KANSL1: variants seen among roughly 807,000 people sequenced by gnomAD.
KANSL1 encodes KAT8 regulatory NSL complex subunit 1, also known as MLL1/MLL complex subunit KANSL1.
In KANSL1, 22 loss-of-function variants were observed where a neutral mutation model predicts 103.6. The observed-to-expected ratio is 0.21, with a 90% CI of 0.15 to 0.30. The LOEUF (loss-of-function observed/expected upper bound fraction) is 0.30, where lower values mean the gene tolerates loss of function less well. KANSL1 is among the 10% of genes least tolerant of loss of function. KANSL1 has a pLI of 1.00. For missense variants in KANSL1, 1,337 were observed against 1,399.8 expected (o/e 0.96, Z 0.72); for synonymous variants, 600 against 527.6 (o/e 1.14, Z -1.88).
intron 14 of KANSL1, 65 bp downstream of exon 14, chr17:46,031,982 A>G (rs2077021983): frequency 2.5e-5 from 40 of 1,608,756 alleles, no homozygotes; most frequent in Non-Finnish European, 3.2e-5. Context: ...TCTTCAGCAG[A>G]TGCTGCCCCT....
At chr17:46,069,565 T>A (rs372513854) in intron 4 of KANSL1, among the ~76,000 whole-genome samples, 3 of 151,790 alleles carry the variant, frequency 2.0e-5, no homozygotes, top group East Asian at 3.9e-4. Flanking sequence ...GCCAACATGG[T>A]AAAATCCCAT....
chr17:46,208,852 CA>C (rs35006267), intron 1 of KANSL1, among the ~76,000 whole-genome samples: 25,041 of 101,932 alleles, frequency 0.25, 2,440 homozygotes, highest in Middle Eastern at 0.34. Context: ...GACTCCGTCT[CA>C]AAAAAAAAAA....
In KANSL1 at chr17:46,050,630, G is replaced by T; in HGVS notation, c.1923C>A (p.Ile641=). ...AGTGAATTTCGGGAGGCATGGTGTT[G>T]ATGCTGCCTGAACCACACAGTGCGC... ...PSCALCGSGS[I]NTMPPEIHYE... Residue 641 remains isoleucine (I), a synonymous_variant, in exon 7 of 15, where the codon ATC becomes ATA. Transcript: ENST00000432791. The T allele has an allele frequency of 6.2e-7, 1 of 1,614,194 alleles. No individual in the cohort carries two copies. The highest frequency in any genetic ancestry group is 8.5e-7 in the Non-Finnish European group (1 of 1,180,026).
rs2043485675 is a variant in KANSL1 at position 46,125,085 on chromosome 17, AGAGGGAGGGAGGGAGAGAGGGAGG to A, written c.1290-30408_1290-30385del. 1.2e-4 allele frequency among the ~76,000 whole-genome samples: 4 copies of A among 33,936 alleles called. 1 individual carries two copies. Among genetic ancestry groups the A allele is most frequent in the African/African-American group, 5.2e-4 (3 of 5,798 alleles). 22.3% of individuals were successfully genotyped at this position (33,936 alleles called of 152,430 possible). A position where few individuals can be genotyped will look rare whatever the true frequency, so the allele number is the denominator to read the frequency against. ...AGGGAGGGAGGAGGGAGGGAGGGAG[AGAGGGAGGGAGGGAGAGAGGGAGG>A]GAGGGAGGGAGGGAAAGAAATTGCC... On this transcript the variant is annotated intron_variant, in intron 2 of 14. Coordinates refer to ENST00000432791, the MANE Select transcript of KANSL1 (RefSeq NM_015443.4).
rs200384907 is a variant in KANSL1 at position 46,031,120 on chromosome 17, C to CTCT, written c.*355_*356insAGA. 2 of 295,412 alleles carry CTCT rather than the reference C, an allele frequency of 6.8e-6. No homozygotes were observed. The highest frequency in any genetic ancestry group is 1.3e-5 in the Non-Finnish European group (2 of 154,630). 18.3% of individuals were successfully genotyped at this position (295,412 alleles called of 1,614,324 possible). On this transcript the variant is annotated 3_prime_UTR_variant, in exon 15 of 15. Coordinates refer to ENST00000432791, the MANE Select transcript of KANSL1 (RefSeq NM_015443.4). ...AAGAAGGCCATGCTAAACTGTAGCC[C>CTCT]GCCAGGCTGTTCTGCCCTGCCCACA...
intron 3 of KANSL1, among the ~76,000 whole-genome samples, chr17:46,082,783 A>T (rs144668798): frequency 9.7e-4 from 148 of 152,256 alleles, no homozygotes; most frequent in Middle Eastern, 3.4e-3. Flanking sequence ...CTCATCAGCC[A>T]TTTAGCATCT....
intron 2 of KANSL1, among the ~76,000 whole-genome samples, chr17:46,105,547 C>T (rs1236801710): frequency 6.6e-6 from 1 of 152,048 alleles, no homozygotes; most frequent in South Asian, 2.1e-4. Context: ...ACCCTAGAGA[C>T]AGACGCTGCA....
chr17:46,100,168 C>T (rs1322155505), intron 2 of KANSL1, among the ~76,000 whole-genome samples: 1 of 152,178 alleles, frequency 6.6e-6, no homozygotes, highest in Non-Finnish European at 1.5e-5. Context: ...TGCTTTTGAG[C>T]TAGGTAGTGA....
intron 2 of KANSL1, among the ~76,000 whole-genome samples, chr17:46,102,725 T>TC (rs201161398): frequency 5.3e-3 from 813 of 152,282 alleles, no homozygotes; most frequent in Non-Finnish European, 8.9e-3. Flanking sequence ...ACTCTATCCT[T>TC]CTTCCTTCCA....
chr17:46,105,236 ATT>A, intron 2 of KANSL1, among the ~76,000 whole-genome samples: 1 of 152,226 alleles, frequency 6.6e-6, no homozygotes, highest in Non-Finnish European at 1.5e-5. Flanking sequence ...GAGTGAATTA[ATT>A]TTCTGTCTAC....
intron 10 of KANSL1, chr17:46,035,509 C>T (rs2077121659): frequency 6.6e-6 from 1 of 152,218 alleles, no homozygotes; most frequent in Non-Finnish European, 1.5e-5. Flanking sequence ...ATTTCTTTCT[C>T]TATCAAATCA....
intron 2 of KANSL1, among the ~76,000 whole-genome samples, chr17:46,142,556 C>T (rs945999343): frequency 6.6e-6 from 1 of 152,242 alleles, no homozygotes; most frequent in Non-Finnish European, 1.5e-5. Flanking sequence ...CTGCAGCAAG[C>T]TACGACTATG....
chr17:46,078,155 T>C (rs1252967830), intron 4 of KANSL1, among the ~76,000 whole-genome samples: 2 of 152,238 alleles, frequency 1.3e-5, no homozygotes, highest in African/African-American at 4.8e-5. Context: ...AAAAGCATAG[T>C]GGAGTCTATT....
intron 2 of KANSL1, among the ~76,000 whole-genome samples, chr17:46,102,410 T>C (rs1336510363): frequency 6.6e-6 from 1 of 152,142 alleles, no homozygotes; most frequent in Non-Finnish European, 1.5e-5. Context: ...TCACCATGCC[T>C]GGCTAATTTT....
At chr17:46,163,805 CACATT>C (rs1339315262) in intron 2 of KANSL1, among the ~76,000 whole-genome samples, 1 of 152,234 alleles carries the variant, frequency 6.6e-6, no homozygotes, top group Admixed American at 6.5e-5. Context: ...TTTTTCTTCT[CACATT>C]ACATTTACCA....
At chr17:46,207,928 T>C (rs563514720) in intron 1 of KANSL1, among the ~76,000 whole-genome samples, 26 of 152,242 alleles carry the variant, frequency 1.7e-4, no homozygotes, top group African/African-American at 5.5e-4. Context: ...CTGGCCAACA[T>C]GGTGAAACCC....
intron 2 of KANSL1, among the ~76,000 whole-genome samples, chr17:46,108,423 A>G (rs1312203020): frequency 1.3e-5 from 2 of 152,132 alleles, no homozygotes; most frequent in Non-Finnish European, 2.9e-5. Flanking sequence ...CTGTCCTATA[A>G]AATTGCAACC....
At position 46,094,713 on chromosome 17, in the gene KANSL1, T is replaced by G; in HGVS notation, c.1290-12A>C. The G allele has an allele frequency of 6.2e-7, 1 of 1,613,944 alleles. No homozygotes were observed. The highest frequency in any genetic ancestry group is 8.5e-7 in the Non-Finnish European group (1 of 1,179,994). Reference sequence around the variant, plus strand: ...CTGACCTGCGTCTCCTAAAAGGAAATAAACTGAGTGAAATCCAAGAGTAGC... The same window carrying G: ...CTGACCTGCGTCTCCTAAAAGGAAAGAAACTGAGTGAAATCCAAGAGTAGC... On this transcript the variant is annotated splice_polypyrimidine_tract_variant and intron_variant, in intron 2 of 14. Transcript: ENST00000432791.
At chr17:46,129,952 G>A (rs1210044760) in intron 2 of KANSL1, among the ~76,000 whole-genome samples, 6 of 152,030 alleles carry the variant, frequency 3.9e-5, no homozygotes, top group African/African-American at 1.2e-4. Flanking sequence ...TTGGGAGGCC[G>A]ACACAGGCAG....
Sources: gnomAD v4.1 joint callset for allele counts (sites outside exome capture counted in the v4.1 genomes callset) on GRCh38, gnomAD v4.1.1 for gene constraint, MANE v1.5 for transcripts, NCBI Gene and HGNC (gene_info 2026-07-23, HGNC 2026-07-21) for gene names.